Variants in COL10A1 observed in about 807,000 individuals in gnomAD.
COL10A1 encodes collagen alpha-1(X) chain.
A neutral mutation model predicts 18.2 loss-of-function variants in COL10A1; 10 were observed. That is an observed-to-expected ratio of 0.55 (90% CI 0.34 to 0.93). COL10A1 has a LOEUF of 0.93. COL10A1 is among the 40% of genes least tolerant of loss of function. The pLI is 0.02. For synonymous variants in COL10A1, 330 were observed against 316.6 expected, an observed-to-expected ratio of 1.04 and a Z score of -0.45; for missense variants, 897 against 853.5, an observed-to-expected ratio of 1.05 and a Z score of -0.64.
intron 1 of COL10A1, among the ~76,000 whole-genome samples, chr6:116,151,507 C>A (rs1780037091): frequency 6.6e-6 from 1 of 152,166 alleles, no homozygotes; most frequent in African/African-American, 2.4e-5. Context: ...TGAGCACTTA[C>A]ATGCTGCTCC....
At chr6:116,210,297 A>C in the COL10A1 span, among the ~76,000 whole-genome samples, 1 of 151,984 alleles carries the variant, frequency 6.6e-6, no homozygotes, top group Non-Finnish European at 1.5e-5. Flanking sequence ...AATTTATCCA[A>C]ATTCTGAACT....
chr6:116,133,007 T>C lies in COL10A1; in HGVS notation c.-15-7500A>G, dbSNP rs78649717. On this transcript the variant is annotated intron_variant, in intron 1 of 1. Transcript: ENST00000418500. ...AGAAATTCATGCATAAAAACAGGTG[T>C]TTATGAAAAACCCCTGAAACGTCAG... Among the ~76,000 whole-genome samples the C allele has an allele frequency of 2.0e-4, 30 of 152,288 alleles. No homozygotes were observed. In the East Asian group the frequency reaches 5.8e-3, roughly 29 times the overall value.
intron 1 of COL10A1, among the ~76,000 whole-genome samples, chr6:116,150,351 C>G (rs1325174784): frequency 6.6e-6 from 1 of 152,018 alleles, no homozygotes; most frequent in Non-Finnish European, 1.5e-5. Context: ...AGTGGCATGT[C>G]TTGGCTCACT....
upstream of COL10A1, among the ~76,000 whole-genome samples, chr6:116,130,711 TCAGGACCA>T (rs1779438237): frequency 6.6e-6 from 1 of 152,096 alleles, no homozygotes; most frequent in African/African-American, 2.4e-5. Context: ...CAATGCACAT[TCAGGACCA>T]CAGGTGTTTA....
rs760799202 is a variant in COL10A1, at chr6:116,121,085, C to G, written c.1031G>C (p.Gly344Ala). The G allele has an allele frequency of 3.7e-6, 6 of 1,613,992 alleles. No homozygotes were observed. In the South Asian group the frequency reaches 5.5e-5, roughly 15 times the overall value. The change falls in exon 3 of 3, where the codon GGA becomes GCA. Residue 344 changes from glycine to alanine, a missense_variant. By Grantham distance (60) the Gly-to-Ala change is moderately conservative. Transcript: ENST00000651968. ...CGGGATGCCTTTTGGTCCTTGGGGT[C>G]CCATATTCCCAGGGGGTCCAGTCAG... Reference protein sequence around the residue: ...PGLTGPPGNMGPQGPKGIPGS... With the variant: ...PGLTGPPGNMAPQGPKGIPGS...
At chr6:116,191,291 C>G in the COL10A1 span, among the ~76,000 whole-genome samples, 1 of 151,966 alleles carries the variant, frequency 6.6e-6, no homozygotes, top group African/African-American at 2.4e-5. Context: ...AGATGCAAAA[C>G]AAGGAAGAGC....
At chr6:116,135,654 A>G (rs1779572044) in intron 1 of COL10A1, among the ~76,000 whole-genome samples, 1 of 151,368 alleles carries the variant, frequency 6.6e-6, no homozygotes. Flanking sequence ...AATTCAACTA[A>G]CAAACATTTT....
the COL10A1 span, among the ~76,000 whole-genome samples, chr6:116,191,600 A>G: frequency 5.9e-5 from 9 of 152,092 alleles, no homozygotes; most frequent in African/African-American, 2.2e-4. Context: ...GGTACGTGAT[A>G]CCACCAATTA....
intron 1 of COL10A1, among the ~76,000 whole-genome samples, chr6:116,138,360 A>G (rs920211201): frequency 9.9e-5 from 15 of 152,250 alleles, no homozygotes; most frequent in African/African-American, 3.4e-4. Context: ...AGCACTACTT[A>G]ACTAGGAACT....
At chr6:116,204,124 G>A in the COL10A1 span, among the ~76,000 whole-genome samples, 1 of 151,918 alleles carries the variant, frequency 6.6e-6, no homozygotes, top group Non-Finnish European at 1.5e-5. Context: ...GGGAGAGGAC[G>A]ATGCACTGCT....
chr6:116,176,366 G>C, the COL10A1 span, among the ~76,000 whole-genome samples: 5 of 152,158 alleles, frequency 3.3e-5, no homozygotes, highest in African/African-American at 1.2e-4. Flanking sequence ...CTTCTGTTGG[G>C]CCTGGAGGCA....
At position 116,125,199 on chromosome 6, in the gene COL10A1, C is replaced by T. The variant is rs371468765; in HGVS notation, c.154+140G>A. 53 of 848,400 alleles carry T rather than the reference C, an allele frequency of 6.2e-5. 1 individual carries two copies. In the East Asian group the frequency reaches 8.0e-4, roughly 13 times the overall value. 52.6% of individuals were successfully genotyped at this position (848,400 alleles called of 1,614,324 possible). ...TTCTTGTTCTACTTTTTTCACAGAT[C>T]ACTTTGTTGTAATAATTTGGGCTAA... On this transcript the variant is annotated intron_variant, in intron 2 of 2. Transcript: ENST00000651968.
chr6:116,192,617 G>A, the COL10A1 span, among the ~76,000 whole-genome samples: 1 of 152,022 alleles, frequency 6.6e-6, no homozygotes, highest in African/African-American at 2.4e-5. Flanking sequence ...ATTAAGGAAT[G>A]TTTACTTTGT....
rs1554192883 is a variant in COL10A1 at position 116,120,067 on chromosome 6, G to GGGT, written c.*5_*6insACC. 1 of 1,461,450 alleles carries GGGT rather than the reference G, an allele frequency of 6.8e-7. No individual in the cohort carries two copies. Among genetic ancestry groups the GGGT allele is most frequent in the Admixed American group, 2.2e-5 (1 of 44,808 alleles). The allele number at this position is 1,461,450 out of a possible 1,614,324, so 90.5% of individuals were successfully genotyped here. A position where few individuals can be genotyped will look rare whatever the true frequency, so the allele number is the denominator to read the frequency against. The stretch of plus-strand genomic sequence containing the variant: ...AGCACAAGATTTAGATTAGCTCTGT[G>GGGT]TGTACTCACATTGGAGCCACTAGGA... On this transcript the variant is annotated 3_prime_UTR_variant, in exon 3 of 3. Coordinates refer to ENST00000651968, the MANE Select transcript of COL10A1 (RefSeq NM_000493.4).
chr6:116,126,388 T>TA (rs1264107479), upstream of COL10A1, among the ~76,000 whole-genome samples: 1 of 152,208 alleles, frequency 6.6e-6, no homozygotes, highest in Non-Finnish European at 1.5e-5. Flanking sequence ...TATTAATTAA[T>TA]ACTCTAGTGT....
chr6:116,157,632 C>T (rs1339203137), intron 1 of COL10A1, among the ~76,000 whole-genome samples: 1 of 152,108 alleles, frequency 6.6e-6, no homozygotes, highest in Non-Finnish European at 1.5e-5. Flanking sequence ...TTACATGAAA[C>T]CACAAGAGAG....
intron 1 of COL10A1, among the ~76,000 whole-genome samples, chr6:116,135,592 A>C (rs1779570160): frequency 1.3e-5 from 2 of 151,586 alleles, no homozygotes; most frequent in African/African-American, 4.8e-5. Flanking sequence ...CTATTACCAA[A>C]AGCATTTTGC....
chr6:116,166,179 T>C, the COL10A1 span, among the ~76,000 whole-genome samples: 1 of 152,142 alleles, frequency 6.6e-6, no homozygotes, highest in Admixed American at 6.5e-5. Flanking sequence ...GCGAGACTCT[T>C]GCTGCTTTCC....
chr6:116,151,244 ACT>A (rs1474316060), intron 1 of COL10A1, among the ~76,000 whole-genome samples: 1 of 152,042 alleles, frequency 6.6e-6, no homozygotes, highest in Non-Finnish European at 1.5e-5. Flanking sequence ...CATTTTAAAG[ACT>A]CTGAGATCAG....
Sources: gnomAD v4.1 joint callset for allele counts (sites outside exome capture counted in the v4.1 genomes callset) on GRCh38, gnomAD v4.1.1 for gene constraint, MANE v1.5 for transcripts, NCBI Gene and HGNC (gene_info 2026-07-23, HGNC 2026-07-21) for gene names.